Variants in N4BP1 observed in about 807,000 individuals in gnomAD.
N4BP1 encodes the protein NEDD4 binding protein 1, also known as NEDD4-binding protein 1.
In N4BP1, 21 loss-of-function variants were observed where a neutral mutation model predicts 70.9. The observed-to-expected ratio is 0.30, with a 90% CI of 0.21 to 0.43. The LOEUF is 0.43. N4BP1 is among the 20% of genes least tolerant of loss of function. The pLI is 1.00. For missense variants in N4BP1, 936 were observed against 1,069.4 expected, an observed-to-expected ratio of 0.88 and a Z score of 1.74; for synonymous variants, 387 against 394.6, an observed-to-expected ratio of 0.98 and a Z score of 0.23.
intron 4 of N4BP1, 58 bp downstream of exon 4, chr16:48,551,328 G>C: frequency 7.5e-7 from 1 of 1,333,144 alleles, no homozygotes; most frequent in Non-Finnish European, 1.1e-6. Flanking sequence ...CAGCAGAGCA[G>C]GTGGCTGGCT....
intron 1 of N4BP1, among the ~76,000 whole-genome samples, chr16:48,565,672 C>T (rs1017250929): frequency 2.6e-5 from 4 of 152,210 alleles, no homozygotes; most frequent in Admixed American, 6.5e-5. Context: ...TCTCCTCTTG[C>T]AGTTCTTGGA....
At chr16:48,591,899 T>C (rs998014458) in intron 1 of N4BP1, among the ~76,000 whole-genome samples, 8 of 56,252 alleles carry the variant, frequency 1.4e-4, no homozygotes, top group South Asian at 5.9e-4. Context: ...TTTTTTTTTT[T>C]CCAAGTTTTG....
intron 1 of N4BP1, among the ~76,000 whole-genome samples, chr16:48,597,398 A>G (rs1206109181): frequency 6.6e-6 from 1 of 152,228 alleles, no homozygotes; most frequent in Non-Finnish European, 1.5e-5. Flanking sequence ...GTATTAATGA[A>G]GCTGAACTTA....
chr16:48,584,533 CTATCTA>C, intron 1 of N4BP1, among the ~76,000 whole-genome samples: 1 of 152,210 alleles, frequency 6.6e-6, no homozygotes, highest in East Asian at 1.9e-4. Context: ...TTCCTTAACT[CTATCTA>C]TATTTCTAGA....
intron 1 of N4BP1, among the ~76,000 whole-genome samples, chr16:48,595,653 T>C (rs1964401730): frequency 6.6e-6 from 1 of 152,166 alleles, no homozygotes; most frequent in South Asian, 2.1e-4. Context: ...ATAAGAATGT[T>C]TTCTTTTCTA....
At chr16:48,567,076 A>C (rs191821429) in intron 1 of N4BP1, among the ~76,000 whole-genome samples, 2 of 152,176 alleles carry the variant, frequency 1.3e-5, no homozygotes, top group Non-Finnish European at 2.9e-5. Context: ...CTCCTTTTAC[A>C]TTTTACTTAC....
chr16:48,609,588 C>A (rs955228262), intron 1 of N4BP1, among the ~76,000 whole-genome samples, 187 bp downstream of exon 1: 2 of 152,344 alleles, frequency 1.3e-5, no homozygotes, highest in East Asian at 3.9e-4. Flanking sequence ...GAAACTGAGG[C>A]TCCGGGGATC....
At chr16:48,547,059 C>A (rs976376043) in intron 5 of N4BP1, among the ~76,000 whole-genome samples, 2 of 152,244 alleles carry the variant, frequency 1.3e-5, no homozygotes, top group South Asian at 2.1e-4. Flanking sequence ...AAAATGCATA[C>A]AGTAATTAAC....
intron 1 of N4BP1, among the ~76,000 whole-genome samples, chr16:48,594,798 T>A (rs1213107549): frequency 1.3e-5 from 2 of 152,254 alleles, no homozygotes; most frequent in Non-Finnish European, 2.9e-5. Flanking sequence ...TGCCTCACTA[T>A]ATGTTATCAA....
At chr16:48,594,633 G>A (rs190767073) in intron 1 of N4BP1, among the ~76,000 whole-genome samples, 44 of 152,222 alleles carry the variant, frequency 2.9e-4, no homozygotes, top group Middle Eastern at 3.4e-3. Context: ...TGGGATTATA[G>A]GTGTGAGCCA....
chr16:48,578,486 A>C (rs534659398), intron 1 of N4BP1: 2 of 152,400 alleles, frequency 1.3e-5, no homozygotes, highest in East Asian at 3.9e-4. Flanking sequence ...GTTCTGAATC[A>C]GAGCTCACAG....
At chr16:48,588,097 G>C (rs1964274935) in intron 1 of N4BP1, among the ~76,000 whole-genome samples, 2 of 151,910 alleles carry the variant, frequency 1.3e-5, no homozygotes, top group Admixed American at 6.6e-5. Context: ...AATTTCCTGA[G>C]GATAATTCTC....
chr16:48,599,021 C>G (rs1303105705), intron 1 of N4BP1, among the ~76,000 whole-genome samples: 1 of 152,058 alleles, frequency 6.6e-6, no homozygotes, highest in African/African-American at 2.4e-5. Flanking sequence ...ACTTCCCCTA[C>G]CTAGTACTGT....
At chr16:48,591,725 C>T (rs1487700612) in intron 1 of N4BP1, among the ~76,000 whole-genome samples, 1 of 148,330 alleles carries the variant, frequency 6.7e-6, no homozygotes, top group Admixed American at 6.7e-5. Flanking sequence ...CTCTACTTTG[C>T]CCTCCTGATG....
intron 1 of N4BP1, among the ~76,000 whole-genome samples, chr16:48,597,260 C>T (rs767723007): frequency 7.9e-5 from 12 of 152,142 alleles, no homozygotes; most frequent in Non-Finnish European, 1.5e-4. Flanking sequence ...AAGGTGAACC[C>T]GTTGGGCGGT....
At chr16:48,566,007 T>C (rs1963938253) in intron 1 of N4BP1, among the ~76,000 whole-genome samples, 1 of 152,206 alleles carries the variant, frequency 6.6e-6, no homozygotes, top group Non-Finnish European at 1.5e-5. Flanking sequence ...CTCTCATCTT[T>C]GTTAGTGTTG....
chr16:48,567,559 T>C (rs1963961438), intron 1 of N4BP1, among the ~76,000 whole-genome samples: 1 of 152,146 alleles, frequency 6.6e-6, no homozygotes, highest in African/African-American at 2.4e-5. Flanking sequence ...GCTCAACTGA[T>C]CCACCCACCT....
intron 1 of N4BP1, among the ~76,000 whole-genome samples, chr16:48,577,279 GA>G (rs2151094372): frequency 6.6e-6 from 1 of 152,138 alleles, no homozygotes; most frequent in Admixed American, 6.5e-5. Flanking sequence ...ACTCTTCTGA[GA>G]TACTTCCTAC....
At chr16:48,556,613 A>G (rs1012514929) in intron 2 of N4BP1, among the ~76,000 whole-genome samples, 2 of 152,200 alleles carry the variant, frequency 1.3e-5, no homozygotes, top group African/African-American at 2.4e-5. Flanking sequence ...AATTGGTTAA[A>G]GGTTATATCA....
Sources: gnomAD v4.1 joint callset for allele counts (sites outside exome capture counted in the v4.1 genomes callset) on GRCh38, gnomAD v4.1.1 for gene constraint, MANE v1.5 for transcripts, NCBI Gene and HGNC (gene_info 2026-07-23, HGNC 2026-07-21) for gene names.